Variants in NPNT observed in about 807,000 individuals in gnomAD.
NPNT encodes the protein nephronectin.
A neutral mutation model predicts 68.6 loss-of-function variants in NPNT; 45 were observed. The observed-to-expected ratio is 0.66, with a 90% CI of 0.52 to 0.84. The LOEUF (loss-of-function observed/expected upper bound fraction) is 0.84, where lower values mean the gene tolerates loss of function less well. Ranked by LOEUF, NPNT falls within the 40% of genes least tolerant of loss-of-function variation. NPNT has a pLI of 0.00. For missense variants in NPNT, 672 were observed against 714.8 expected, an observed-to-expected ratio of 0.94 and a Z score of 0.68; for synonymous variants, 233 against 253.3, an observed-to-expected ratio of 0.92 and a Z score of 0.76.
intron 9 of NPNT, 134 bp downstream of exon 9, chr4:105,958,691 T>C (rs1731438803): frequency 9.3e-6 from 5 of 535,570 alleles, no homozygotes; most frequent in African/African-American, 1.9e-5. Context: ...AGATTTTCTT[T>C]GTAGTTAAAT....
intron 2 of NPNT, among the ~76,000 whole-genome samples, chr4:105,900,909 T>C (rs1280690910): frequency 1.3e-5 from 2 of 151,444 alleles, no homozygotes; most frequent in East Asian, 3.9e-4. Flanking sequence ...TATTGAAAAT[T>C]CAACATTTGA....
chr4:105,898,145 C>G, intron 2 of NPNT, 144 bp downstream of exon 2: 1 of 510,606 alleles, frequency 2.0e-6, no homozygotes, highest in Non-Finnish European at 3.5e-6. Context: ...AGGTACAGTC[C>G]AGACTCCTTA....
chr4:105,952,139 A>G (rs1730884934), intron 8 of NPNT, among the ~76,000 whole-genome samples: 1 of 152,208 alleles, frequency 6.6e-6, no homozygotes, highest in Non-Finnish European at 1.5e-5. Flanking sequence ...CTTAATTCAT[A>G]AAAAGACAGC....
chr4:105,912,028 C>T, intron 2 of NPNT: 1 of 596,656 alleles, frequency 1.7e-6, no homozygotes, highest in Non-Finnish European at 3.0e-6. Context: ...TAAAATATTA[C>T]TATTTTAAAC....
At chr4:105,928,782 CA>C (rs1728887559) in intron 3 of NPNT, among the ~76,000 whole-genome samples, 1 of 151,674 alleles carries the variant, frequency 6.6e-6, no homozygotes, top group Admixed American at 6.6e-5. Context: ...GTGAAATAAT[CA>C]TATGGTGTCT....
At position 105,968,978 on chromosome 4, in the gene NPNT, T is replaced by C; in HGVS notation, c.1686T>C (p.Ser562=). ...DDVSLKKGHC[S]EER The stretch of plus-strand genomic sequence containing the variant: ...TGAGCTTGAAAAAAGGCCACTGCTC[T>C]GAAGAACGCTAACAACTCCAGAACT... The change falls in exon 12 of 12, where the codon TCT becomes TCC. Residue 562 remains serine (S), a synonymous_variant. Coordinates refer to ENST00000379987, the MANE Select transcript of NPNT (RefSeq NM_001033047.3). 6.3e-7 allele frequency: 1 copy of C among 1,583,558 alleles called. No homozygotes were observed. The highest frequency in any genetic ancestry group is 8.7e-7 in the Non-Finnish European group (1 of 1,155,832).
At chr4:105,939,393 T>C (rs897222912) in intron 5 of NPNT, among the ~76,000 whole-genome samples, 1 of 152,148 alleles carries the variant, frequency 6.6e-6, no homozygotes, top group Non-Finnish European at 1.5e-5. Flanking sequence ...GTAGCTCAAG[T>C]ACAGGGTGTG....
At chr4:105,945,258 G>T (rs1012557666) in intron 8 of NPNT, among the ~76,000 whole-genome samples, 1 of 152,070 alleles carries the variant, frequency 6.6e-6, no homozygotes, top group Non-Finnish European at 1.5e-5. Flanking sequence ...ATGTATGTGC[G>T]TTGTTGCCCT....
intron 1 of NPNT, 62 bp downstream of exon 1, chr4:105,895,785 G>T (rs558338990): frequency 1.4e-6 from 2 of 1,402,530 alleles, no homozygotes; most frequent in Non-Finnish European, 2.0e-6. Flanking sequence ...TCACTGTCTT[G>T]GGTCACTTTT....
At chr4:105,959,219 ATCTCT>A in intron 10 of NPNT, 93 bp downstream of exon 10, 2 of 763,004 alleles carry the variant, frequency 2.6e-6, no homozygotes, top group Non-Finnish European at 4.6e-6. Context: ...ACTGTAACAC[ATCTCT>A]GTGTTTACTT....
chr4:105,921,851 C>T (rs897359789), intron 2 of NPNT, among the ~76,000 whole-genome samples: 2 of 152,172 alleles, frequency 1.3e-5, no homozygotes, highest in South Asian at 2.1e-4. Flanking sequence ...TTGTTCTGCT[C>T]AAATGAATTT....
chr4:105,959,219 ATCTC>A, intron 10 of NPNT, 93 bp downstream of exon 10: 1 of 763,008 alleles, frequency 1.3e-6, no homozygotes, highest in Non-Finnish European at 2.3e-6. Flanking sequence ...ACTGTAACAC[ATCTC>A]TGTGTTTACT....
intron 2 of NPNT, among the ~76,000 whole-genome samples, chr4:105,915,381 G>A (rs180953093): frequency 1.9e-4 from 29 of 152,228 alleles, no homozygotes; most frequent in Non-Finnish European, 3.5e-4. Flanking sequence ...GGCAGTGGCG[G>A]GGGGGCACAT....
chr4:105,924,047 C>CA (rs1363471694), intron 2 of NPNT, among the ~76,000 whole-genome samples: 1 of 151,752 alleles, frequency 6.6e-6, no homozygotes, highest in Non-Finnish European at 1.5e-5. Context: ...GCGCCCCCCC[C>CA]CCACCACTTT....
At chr4:105,926,517 C>T (rs1209152484) in intron 2 of NPNT, among the ~76,000 whole-genome samples, 1 of 152,050 alleles carries the variant, frequency 6.6e-6, no homozygotes, top group Non-Finnish European at 1.5e-5. Flanking sequence ...GTGTGACAAC[C>T]AAAAATGTCT....
chr4:105,936,455 G>T (rs1057124011), intron 3 of NPNT, among the ~76,000 whole-genome samples: 1 of 152,146 alleles, frequency 6.6e-6, no homozygotes, highest in Non-Finnish European at 1.5e-5. Context: ...CCTTTGGGAA[G>T]GTCAAAGCAG....
At chr4:105,948,156 A>G (rs1441488257) in intron 8 of NPNT, among the ~76,000 whole-genome samples, 1 of 152,190 alleles carries the variant, frequency 6.6e-6, no homozygotes, top group Non-Finnish European at 1.5e-5. Context: ...ATAGCCATTG[A>G]AAATATTCTC....
intron 2 of NPNT, among the ~76,000 whole-genome samples, chr4:105,903,938 C>G (rs1726653209): frequency 6.6e-6 from 1 of 151,934 alleles, no homozygotes; most frequent in African/African-American, 2.4e-5. Context: ...GTGTGAGCGA[C>G]CACACCTGGA....
intron 2 of NPNT, among the ~76,000 whole-genome samples, chr4:105,918,916 G>A (rs1239051310): frequency 6.6e-6 from 1 of 152,058 alleles, no homozygotes; most frequent in Non-Finnish European, 1.5e-5. Flanking sequence ...AATCTTGTGA[G>A]TTTACTGGTT....
Sources: gnomAD v4.1 joint callset for allele counts (sites outside exome capture counted in the v4.1 genomes callset) on GRCh38, gnomAD v4.1.1 for gene constraint, MANE v1.5 for transcripts, NCBI Gene and HGNC (gene_info 2026-07-23, HGNC 2026-07-21) for gene names.